MGMT: variants seen among roughly 807,000 people sequenced by gnomAD.
The protein encoded by MGMT is methylated-DNA--protein-cysteine methyltransferase.
Under a neutral mutation model 15.9 loss-of-function variants are expected in MGMT, and 14 were observed. The observed-to-expected ratio is 0.88, with a 90% CI of 0.58 to 1.37. MGMT has a LOEUF of 1.37. Among genes scored for constraint, MGMT ranks in the 40% most tolerant of loss-of-function variants. The pLI, the probability that MGMT is intolerant of heterozygous loss-of-function variation, is 0.00. For missense variants in MGMT, 282 were observed against 268.1 expected (o/e 1.05, Z -0.36); for synonymous variants, 130 against 118.2 (o/e 1.10, Z -0.65).
intron 2 of MGMT, among the ~76,000 whole-genome samples, chr10:129,616,192 C>T (rs920083286): frequency 6.6e-5 from 10 of 152,308 alleles, no homozygotes; most frequent in Middle Eastern, 3.4e-3. Flanking sequence ...GATTGGAGAA[C>T]GGAGGCTCCC....
At chr10:129,677,426 C>A (rs926996664) in intron 2 of MGMT, among the ~76,000 whole-genome samples, 1 of 152,184 alleles carries the variant, frequency 6.6e-6, no homozygotes, top group African/African-American at 2.4e-5. Flanking sequence ...CTGTATTCAT[C>A]TCTGCCCTGT....
At chr10:129,547,753 A>G (rs1213186326) in intron 2 of MGMT, among the ~76,000 whole-genome samples, 1 of 152,158 alleles carries the variant, frequency 6.6e-6, no homozygotes, top group African/African-American at 2.4e-5. Context: ...TTCGAGTAAC[A>G]CTGGGGAGTG....
At chr10:129,469,247 C>T (rs893718411) in intron 1 of MGMT, among the ~76,000 whole-genome samples, 3 of 152,176 alleles carry the variant, frequency 2.0e-5, no homozygotes, top group African/African-American at 7.2e-5. Flanking sequence ...CACCAAAACC[C>T]TGACTCTTTC....
rs146657523 is a variant in MGMT at position 129,524,823 on chromosome 10, C to T, written c.-12-11418C>T. ...GCCAGGATGGTCTGGATCTCCTGAC[C>T]TCGTGATCCACACGCCTCGGCCTCC... On this transcript the variant is annotated intron_variant, in intron 1 of 4. Coordinates refer to ENST00000651593, the MANE Select transcript of MGMT (RefSeq NM_002412.5). Among the ~76,000 whole-genome samples, 1,094 of 151,452 alleles carry T rather than the reference C, an allele frequency of 7.2e-3. 14 individuals are homozygous for T. Among genetic ancestry groups the T allele is most frequent in the South Asian group, 0.038 (182 of 4,778 alleles).
rs149224379 is a variant in MGMT at position 129,542,107 on chromosome 10, G to A, written c.125+5730G>A. 4.7e-3 allele frequency among the ~76,000 whole-genome samples: 711 copies of A among 152,244 alleles called. 2 individuals are homozygous for A. The highest frequency in any genetic ancestry group is 0.02 in the Middle Eastern group (6 of 294). ...CCCTATGAGTTTCTGCCCTCGAAAC[G>A]TGCCCCATGGAAAGCGTGAAGATGC... On this transcript the variant is annotated intron_variant, in intron 2 of 4. Transcript: ENST00000651593.
chr10:129,567,167 C>T (rs1038990380), intron 2 of MGMT, among the ~76,000 whole-genome samples: 1 of 152,196 alleles, frequency 6.6e-6, no homozygotes, highest in Admixed American at 6.5e-5. Flanking sequence ...ACTCCCACTG[C>T]GTTCAGCCCG....
intron 3 of MGMT, among the ~76,000 whole-genome samples, chr10:129,750,822 T>A (rs1221089264): frequency 6.6e-6 from 1 of 152,144 alleles, no homozygotes; most frequent in African/African-American, 2.4e-5. Flanking sequence ...CTTTTACCAA[T>A]GCCACCCTGT....
intron 2 of MGMT, among the ~76,000 whole-genome samples, chr10:129,606,862 T>G (rs994887040): frequency 2.6e-5 from 4 of 152,260 alleles, no homozygotes; most frequent in Admixed American, 2.6e-4. Context: ...CAATTTAACT[T>G]TCTGTCTTGA....
chr10:129,714,497 G>A (rs1426074211), intron 3 of MGMT, among the ~76,000 whole-genome samples: 3 of 152,078 alleles, frequency 2.0e-5, no homozygotes, highest in Non-Finnish European at 4.4e-5. Context: ...GGGGTTGGGG[G>A]ATTTATATCA....
At chr10:129,649,124 C>T (rs991856109) in intron 2 of MGMT, among the ~76,000 whole-genome samples, 6 of 152,132 alleles carry the variant, frequency 3.9e-5, no homozygotes, top group Admixed American at 2.0e-4. Flanking sequence ...TGTCCAGAAG[C>T]GTAAATCACA....
chr10:129,586,090 C>T (rs1053072183), intron 2 of MGMT, among the ~76,000 whole-genome samples: 1 of 152,124 alleles, frequency 6.6e-6, no homozygotes, highest in African/African-American at 2.4e-5. Flanking sequence ...GATTTCATCC[C>T]ACTACTCAGA....
At chr10:129,523,225 G>A (rs910452771) in intron 1 of MGMT, among the ~76,000 whole-genome samples, 5 of 152,346 alleles carry the variant, frequency 3.3e-5, no homozygotes, top group East Asian at 3.9e-4. Context: ...GGGCACAGGC[G>A]GGAGACCCGG....
intron 3 of MGMT, among the ~76,000 whole-genome samples, chr10:129,716,626 TCCTC>T (rs541711722): frequency 6.6e-6 from 1 of 152,182 alleles, no homozygotes; most frequent in Non-Finnish European, 1.5e-5. Flanking sequence ...TCGCGTCTCT[TCCTC>T]TTTTCAGAAT....
At chr10:129,715,401 T>G (rs1848282256) in intron 3 of MGMT, 1 of 152,248 alleles carries the variant, frequency 6.6e-6, no homozygotes, top group African/African-American at 2.4e-5. Context: ...GCATCATTGC[T>G]TCCTTTAATA....
At chr10:129,534,541 C>A (rs371405336) in intron 1 of MGMT, among the ~76,000 whole-genome samples, 54 of 152,072 alleles carry the variant, frequency 3.6e-4, no homozygotes, top group African/African-American at 1.2e-3. Context: ...CGCTGCCCGA[C>A]CCTGGTCCCT....
chr10:129,657,707 G>GCACACA (rs57838117), intron 2 of MGMT, among the ~76,000 whole-genome samples: 54 of 111,558 alleles, frequency 4.8e-4, no homozygotes, highest in Middle Eastern at 4.8e-3. Flanking sequence ...ACACACACAC[G>GCACACA]CACACACACA....
chr10:129,600,587 A>G (rs1846808960), intron 2 of MGMT, among the ~76,000 whole-genome samples: 1 of 152,228 alleles, frequency 6.6e-6, no homozygotes, highest in African/African-American at 2.4e-5. Context: ...TTGCTCATTG[A>G]GCTAGCAAGA....
chr10:129,657,674 AACAC>A (rs60284981), intron 2 of MGMT, among the ~76,000 whole-genome samples: 1,879 of 93,460 alleles, frequency 0.02, 25 homozygotes, highest in Middle Eastern at 0.054. Context: ...CAGCTCCTCC[AACAC>A]ACACACACAC....
intron 2 of MGMT, among the ~76,000 whole-genome samples, chr10:129,573,656 T>A (rs116885676): frequency 6.6e-6 from 1 of 152,354 alleles, no homozygotes; most frequent in Non-Finnish European, 1.5e-5. Context: ...TTTATTTTCA[T>A]CTAAATGCTA....
Sources: allele counts gnomAD v4.1 joint callset (sites outside exome capture counted in the v4.1 genomes callset), GRCh38; gene constraint gnomAD v4.1.1; transcripts MANE v1.5; gene names NCBI Gene and HGNC (gene_info 2026-07-23, HGNC 2026-07-21).